C12orf50: variants seen among roughly 807,000 people sequenced by gnomAD.
C12orf50 encodes uncharacterized protein C12orf50.
C12orf50 carries 35 observed loss-of-function variants against 61.6 expected under a neutral mutation model. The observed-to-expected ratio is 0.57, with a 90% CI of 0.43 to 0.75. C12orf50 has a LOEUF of 0.75. Among genes scored for constraint, C12orf50 ranks in the 30% least tolerant of loss-of-function variants. The probability of loss-of-function intolerance (pLI) is 0.00; values close to 1 mark genes in which losing one functional copy is unlikely to be tolerated. For synonymous variants in C12orf50, 178 were observed against 161.5 expected (o/e 1.10, Z -0.77); for missense variants, 475 against 488.5 (o/e 0.97, Z 0.26).
intron 3 of C12orf50, among the ~76,000 whole-genome samples, chr12:88,019,170 C>T (rs1036341243): frequency 2.6e-5 from 4 of 151,546 alleles, no homozygotes; most frequent in South Asian, 2.1e-4. Flanking sequence ...GGGAGGAATT[C>T]GATGGGAGGT....
At chr12:87,983,243 T>C in intron 11 of C12orf50, 48 bp from the exon 12 acceptor site, 1 of 1,286,868 alleles carries the variant, frequency 7.8e-7, no homozygotes, top group East Asian at 2.4e-5. Flanking sequence ...TTTAAAATCA[T>C]ATTCCAAGGG....
chr12:87,980,436 T>A (rs1430113605), intron 12 of C12orf50, 80 bp from the exon 13 acceptor site: 1 of 1,237,992 alleles, frequency 8.1e-7, no homozygotes, highest in East Asian at 2.3e-5. Flanking sequence ...TGCTAATTAC[T>A]TGCCGTAAAT....
intron 3 of C12orf50, among the ~76,000 whole-genome samples, chr12:88,005,293 T>G (rs1293268923): frequency 6.6e-6 from 1 of 152,176 alleles, no homozygotes; most frequent in East Asian, 1.9e-4. Context: ...TTAGTAAAAT[T>G]TATTTTCTCC....
At chr12:87,989,116 C>T in intron 8 of C12orf50, 148 bp downstream of exon 8, 1 of 564,412 alleles carries the variant, frequency 1.8e-6, no homozygotes, top group Non-Finnish European at 3.1e-6. Context: ...GGGGCAGAGC[C>T]AGGACTGGAA....
At chr12:88,020,887 C>T (rs1349724645) in intron 3 of C12orf50, among the ~76,000 whole-genome samples, 2 of 151,654 alleles carry the variant, frequency 1.3e-5, no homozygotes, top group Non-Finnish European at 2.9e-5. Context: ...AAGAAAATCA[C>T]TCACTACCAT....
At chr12:88,020,411 A>C (rs4454801) in intron 3 of C12orf50, among the ~76,000 whole-genome samples, 1 of 152,138 alleles carries the variant, frequency 6.6e-6, no homozygotes, top group East Asian at 1.9e-4. Context: ...TCAGGCCAAA[A>C]AGACTTAAAC....
In C12orf50 at chr12:87,986,011, C is replaced by T. The variant is rs11104703; in HGVS notation, c.965G>A (p.Arg322His). The stretch of plus-strand genomic sequence containing the variant: ...CTCCGCATTTCGATTTTTATTATTG[C>T]GGTGATAACTCATTTTATTTTGGGG... ...PRPQNKMSYH[R>H]NNKNRNAENA... Residue 322 changes from arginine (R) to histidine (H), a missense_variant, in exon 11 of 13, where the codon CGC becomes CAC. Arg to His is a conservative substitution (Grantham distance 29). Coordinates refer to ENST00000298699, the MANE Select transcript of C12orf50 (RefSeq NM_152589.3). The T allele has an allele frequency of 0.062, 100,476 of 1,613,578 alleles. 3,637 individuals are homozygous for T. Among genetic ancestry groups the T allele is most frequent in the Middle Eastern group, 0.088 (530 of 6,042 alleles).
rs762685869 is a variant in C12orf50 at position 87,985,989 on chromosome 12, C to T, written c.987G>A (p.Ala329=). The T allele has an allele frequency of 2.5e-5, 41 of 1,613,726 alleles. No homozygotes were observed. The Admixed American group carries it at 3.7e-4, about 14-fold the overall frequency. ...SYHRNNKNRN[A]ENASYIHVQR... The stretch of plus-strand genomic sequence containing the variant: ...GAACGTGGATATAGGATGCATTCTC[C>T]GCATTTCGATTTTTATTATTGCGGT... Residue 329 remains alanine, a synonymous_variant, in exon 11 of 13, where the codon GCG becomes GCA. Coordinates refer to ENST00000298699, the MANE Select transcript of C12orf50 (RefSeq NM_152589.3).
At chr12:88,006,643 T>C (rs2031895616) in intron 3 of C12orf50, among the ~76,000 whole-genome samples, 1 of 152,216 alleles carries the variant, frequency 6.6e-6, no homozygotes. Flanking sequence ...CCTAGCCTGC[T>C]GCACGTGGGA....
At chr12:88,007,425 C>A (rs1172128242) in intron 3 of C12orf50, among the ~76,000 whole-genome samples, 1 of 152,214 alleles carries the variant, frequency 6.6e-6, no homozygotes, top group African/African-American at 2.4e-5. Context: ...AATTTATAAA[C>A]AACAGAAATT....
intron 3 of C12orf50, among the ~76,000 whole-genome samples, chr12:87,999,711 GTA>G (rs2031570866): frequency 6.6e-6 from 1 of 151,962 alleles, no homozygotes; most frequent in African/African-American, 2.4e-5. Flanking sequence ...TTATACAAAT[GTA>G]ATCATTTGTA....
intron 7 of C12orf50, among the ~76,000 whole-genome samples, chr12:87,993,856 T>G (rs1036264645): frequency 6.6e-6 from 1 of 152,148 alleles, no homozygotes; most frequent in African/African-American, 2.4e-5. Flanking sequence ...TAATACACAG[T>G]TAGAATGTGA....
chr12:88,026,596 T>G lies in C12orf50; in HGVS notation c.25A>C (p.Ile9Leu). The change falls in exon 3 of 13, where the codon ATT (isoleucine) becomes CTT (leucine). Residue 9 changes from isoleucine to leucine, a missense_variant. Coordinates refer to ENST00000298699, the MANE Select transcript of C12orf50 (RefSeq NM_152589.3). ...GGCTGAGTTTCCCAGAAGCATGAAA[T>G]GCTGCAGTTTTGCTAGATAAAAGGA... MEMQQNCSISCFWETQPLG... is the reference protein window; with the variant it reads MEMQQNCSLSCFWETQPLG... 6.2e-7 allele frequency: 1 copy of G among 1,613,290 alleles called. No individual in the cohort carries two copies. The highest frequency in any genetic ancestry group is 8.5e-7 in the Non-Finnish European group (1 of 1,179,976).
chr12:88,013,570 T>C (rs2032193661), intron 3 of C12orf50, among the ~76,000 whole-genome samples: 1 of 152,156 alleles, frequency 6.6e-6, no homozygotes, highest in Non-Finnish European at 1.5e-5. Context: ...TATTTGCAAC[T>C]AACTCCCAAA....
intron 3 of C12orf50, among the ~76,000 whole-genome samples, chr12:88,002,927 T>A (rs1297476070): frequency 3.3e-5 from 5 of 151,848 alleles, no homozygotes; most frequent in African/African-American, 1.2e-4. Context: ...ATCAGTGAGA[T>A]AGATATAAGA....
chr12:87,981,159 G>A (rs1349480635), intron 12 of C12orf50, among the ~76,000 whole-genome samples: 1 of 151,992 alleles, frequency 6.6e-6, no homozygotes, highest in Non-Finnish European at 1.5e-5. Flanking sequence ...GATTTATTAG[G>A]CATCTCACTT....
At position 87,983,114 on chromosome 12, in the gene C12orf50, T is replaced by G. The variant is rs142328329; in HGVS notation, c.1208A>C (p.Lys403Thr). Residue 403 changes from lysine to threonine, a missense_variant, in exon 12 of 13, where the codon AAG becomes ACG. Physicochemically the swap from Lys to Thr is moderately conservative, Grantham distance 78 (BLOSUM62 -1). Transcript: ENST00000298699. ...PFSKTYSKSE[K>T]IYPEPRRNGS... The stretch of plus-strand genomic sequence containing the variant: ...TTATAAATAGTTACCTGGATATATC[T>G]TTTCACTTTTTGAATATGTTTTTGA... 1.7e-4 allele frequency: 273 copies of G among 1,580,714 alleles called. No individual in the cohort carries two copies. Among genetic ancestry groups the G allele is most frequent in the Middle Eastern group, 1.3e-3 (8 of 5,948 alleles).
chr12:87,988,293 G>A (rs1027253455), intron 8 of C12orf50, among the ~76,000 whole-genome samples: 12 of 152,094 alleles, frequency 7.9e-5, no homozygotes, highest in African/African-American at 2.9e-4. Flanking sequence ...TTAAATTGGG[G>A]TTCTGAAAAT....
At chr12:87,980,401 G>A (rs1254037749) in intron 12 of C12orf50, 45 bp from the exon 13 acceptor site, 2 of 1,490,222 alleles carry the variant, frequency 1.3e-6, no homozygotes, top group Non-Finnish European at 1.9e-6. Context: ...TTCTTGTTTA[G>A]CGCACTGATA....
Sources: gnomAD v4.1 joint callset for allele counts (sites outside exome capture counted in the v4.1 genomes callset) on GRCh38, gnomAD v4.1.1 for gene constraint, MANE v1.5 for transcripts, NCBI Gene and HGNC (gene_info 2026-07-23, HGNC 2026-07-21) for gene names.